Variants in CSMD3 observed in about 807,000 individuals in gnomAD.
CSMD3 encodes CUB and Sushi multiple domains 3.
A neutral mutation model predicts 435.2 loss-of-function variants in CSMD3; 177 were observed. The observed-to-expected ratio is 0.41, with a 90% CI of 0.36 to 0.46. The LOEUF is 0.46. Among genes scored for constraint, CSMD3 ranks in the 20% least tolerant of loss-of-function variants. The pLI, the probability that CSMD3 is intolerant of heterozygous loss-of-function variation, is 0.34. For synonymous variants in CSMD3, 1,656 were observed against 1,520.5 expected, an observed-to-expected ratio of 1.09 and a Z score of -2.07; for missense variants, 4,265 against 4,504.6, an observed-to-expected ratio of 0.95 and a Z score of 1.52.
intron 65 of CSMD3, among the ~76,000 whole-genome samples, chr8:112,242,866 G>A (rs1434897031): frequency 6.6e-6 from 1 of 152,068 alleles, no homozygotes; most frequent in Non-Finnish European, 1.5e-5. Context: ...GACAGCTGTT[G>A]AAGCCACTGG....
At chr8:112,407,751 A>G (rs965599736) in intron 34 of CSMD3, among the ~76,000 whole-genome samples, 47 of 152,202 alleles carry the variant, frequency 3.1e-4, no homozygotes, top group African/African-American at 1.1e-3. Flanking sequence ...CAAAGACAAT[A>G]TTTCAAATAA....
intron 13 of CSMD3, among the ~76,000 whole-genome samples, chr8:112,760,289 G>A (rs2132144079): frequency 1.3e-5 from 2 of 152,252 alleles, no homozygotes; most frequent in East Asian, 3.9e-4. Flanking sequence ...ACAGGGACTA[G>A]GAGAATGGGG....
intron 6 of CSMD3, among the ~76,000 whole-genome samples, chr8:113,010,468 A>G (rs536465459): frequency 1.3e-5 from 2 of 151,970 alleles, no homozygotes; most frequent in Admixed American, 6.6e-5. Flanking sequence ...CTATCATTTT[A>G]TCAGTTTAAT....
At chr8:113,056,704 T>C (rs2088355842) in intron 5 of CSMD3, among the ~76,000 whole-genome samples, 7 of 152,204 alleles carry the variant, frequency 4.6e-5, no homozygotes, top group Admixed American at 4.6e-4. Flanking sequence ...CTTTCTTTGT[T>C]GTTACTATCA....
intron 2 of CSMD3, among the ~76,000 whole-genome samples, chr8:113,286,426 T>A (rs1588443672): frequency 1.3e-5 from 2 of 152,154 alleles, no homozygotes; most frequent in African/African-American, 4.8e-5. Context: ...TTGCAAGAAA[T>A]CCATTTAAAA....
intron 59 of CSMD3, among the ~76,000 whole-genome samples, chr8:112,275,812 T>C (rs1256644787): frequency 6.6e-6 from 1 of 152,156 alleles, no homozygotes; most frequent in African/African-American, 2.4e-5. Context: ...GTCGAAATTA[T>C]GGGAGTTACA....
At chr8:112,331,404 C>T (rs745926275) in intron 45 of CSMD3, among the ~76,000 whole-genome samples, 14 of 151,934 alleles carry the variant, frequency 9.2e-5, no homozygotes, top group African/African-American at 7.2e-5. Context: ...TCAACATTTA[C>T]GCTTGTCCTA....
chr8:113,339,418 C>T (rs1392868343), intron 1 of CSMD3, among the ~76,000 whole-genome samples: 3 of 151,942 alleles, frequency 2.0e-5, no homozygotes, highest in Admixed American at 6.6e-5. Flanking sequence ...AACATGATTT[C>T]ATGGCTGTAT....
intron 7 of CSMD3, among the ~76,000 whole-genome samples, chr8:112,968,555 A>G (rs1016452167): frequency 6.6e-6 from 1 of 151,896 alleles, no homozygotes; most frequent in Non-Finnish European, 1.5e-5. Flanking sequence ...TCTACAACCT[A>G]TGCCAGAGGA....
At chr8:113,206,237 AAT>A (rs1362340559) in intron 3 of CSMD3, among the ~76,000 whole-genome samples, 1 of 152,108 alleles carries the variant, frequency 6.6e-6, no homozygotes, top group Non-Finnish European at 1.5e-5. Flanking sequence ...CAAATTTCAC[AAT>A]GATACACAAA....
chr8:113,048,830 C>G (rs549797627), intron 5 of CSMD3, among the ~76,000 whole-genome samples: 2 of 152,234 alleles, frequency 1.3e-5, no homozygotes, highest in African/African-American at 4.8e-5. Context: ...TGTGAATAAG[C>G]AAACTCAGTT....
At chr8:112,481,069 C>G (rs1309864873) in intron 31 of CSMD3, among the ~76,000 whole-genome samples, 1 of 152,158 alleles carries the variant, frequency 6.6e-6, no homozygotes, top group Non-Finnish European at 1.5e-5. Flanking sequence ...ATACAGTAGA[C>G]AGATGTGATA....
At chr8:113,176,059 T>C (rs1253825196) in intron 3 of CSMD3, among the ~76,000 whole-genome samples, 2 of 152,112 alleles carry the variant, frequency 1.3e-5, no homozygotes, top group Non-Finnish European at 1.5e-5. Flanking sequence ...AGTGAATGAA[T>C]AGTAACATTG....
At chr8:113,108,856 C>T (rs1220320597) in intron 4 of CSMD3, among the ~76,000 whole-genome samples, 1 of 152,188 alleles carries the variant, frequency 6.6e-6, no homozygotes, top group East Asian at 1.9e-4. Flanking sequence ...AATGAATATG[C>T]TGTCTCCCAA....
chr8:112,607,429 T>G lies in CSMD3; in HGVS notation c.3716-20194A>C, dbSNP rs147604731. ...TTTAAAGAATAATTAACACCAATCT[T>G]TCTCAGACTCTTCCAAAGAACTGAA... On this transcript the variant is annotated intron_variant, in intron 22 of 70. Transcript: ENST00000297405. Among the ~76,000 whole-genome samples the G allele has an allele frequency of 1.6e-4, 25 of 152,226 alleles. No homozygotes were observed. In the East Asian group the frequency reaches 4.4e-3, roughly 27 times the overall value.
intron 12 of CSMD3, among the ~76,000 whole-genome samples, chr8:112,801,613 T>C (rs2078964229): frequency 6.6e-6 from 1 of 152,100 alleles, no homozygotes; most frequent in Non-Finnish European, 1.5e-5. Flanking sequence ...ATATTGTCTA[T>C]ATATACACAT....
At chr8:113,135,145 T>C (rs1172300069) in intron 4 of CSMD3, among the ~76,000 whole-genome samples, 1 of 152,026 alleles carries the variant, frequency 6.6e-6, no homozygotes, top group Non-Finnish European at 1.5e-5. Context: ...CAGACTGTTT[T>C]GAAAAGCAAG....
Position 112,281,279 on chromosome 8 carries a change from T to C in CSMD3, c.9403A>G (p.Ser3135Gly), listed in dbSNP as rs1250819015. The part of the protein sequence containing the change: ...VFRIDGTTFS[S>G]SVIYSCMEGY... ...TCCATGCAGGAATAAATGACTGAAC[T>C]AGAAAATGTTGTGCCATCAATTCGG... The change falls in exon 59 of 71, where the codon AGT becomes GGT. Residue 3135 changes from serine (S) to glycine (G), a missense_variant. This residue lies in a region of CSMD3 where 3,255 missense variants were observed against 3,380.2 expected (regional missense o/e 0.96). Coordinates refer to ENST00000297405, the MANE Select transcript of CSMD3 (RefSeq NM_198123.2). The C allele has an allele frequency of 1.2e-6, 2 of 1,613,432 alleles. No individual in the cohort carries two copies. The highest frequency in any genetic ancestry group is 1.7e-5 in the Admixed American group (1 of 59,938).
At chr8:113,057,878 C>T (rs954549638) in intron 5 of CSMD3, among the ~76,000 whole-genome samples, 1 of 151,722 alleles carries the variant, frequency 6.6e-6, no homozygotes, top group Non-Finnish European at 1.5e-5. Flanking sequence ...GAATTGTGCT[C>T]ACCTTGGTAG....
Sources: allele counts gnomAD v4.1 joint callset (sites outside exome capture counted in the v4.1 genomes callset), GRCh38; gene constraint gnomAD v4.1.1; regional missense constraint gnomAD v4.1.1; transcripts MANE v1.5; gene names NCBI Gene and HGNC (gene_info 2026-07-23, HGNC 2026-07-21).